RNF38: variants seen among roughly 807,000 people sequenced by gnomAD.
RNF38 encodes ring finger protein 38, also known as E3 ubiquitin-protein ligase RNF38.
RNF38 carries 15 observed loss-of-function variants against 67.2 expected under a neutral mutation model. The ratio of observed to expected loss-of-function variants is 0.22; its 90% confidence interval spans 0.15 to 0.34. The LOEUF (loss-of-function observed/expected upper bound fraction) is 0.34, where lower values mean the gene tolerates loss of function less well. RNF38 is among the 10% of genes least tolerant of loss of function. The pLI, the probability that RNF38 is intolerant of heterozygous loss-of-function variation, is 1.00. For missense variants in RNF38, 524 were observed against 639.9 expected (o/e 0.82, Z 1.95); for synonymous variants, 220 against 218.8 (o/e 1.01, Z -0.05).
chr9:36,366,352 C>G (rs1367036964), intron 4 of RNF38, among the ~76,000 whole-genome samples: 1 of 151,900 alleles, frequency 6.6e-6, no homozygotes, highest in Non-Finnish European at 1.5e-5. Context: ...ACTTTTTTCC[C>G]TTTCCTCTCA....
In RNF38 at chr9:36,373,929, G is replaced by A. The variant is rs138100901; in HGVS notation, c.356+2005C>T. On this transcript the variant is annotated intron_variant, in intron 3 of 11. Coordinates refer to ENST00000259605, the MANE Select transcript of RNF38 (RefSeq NM_022781.5). ...TGGTCTCGAACTCCTGATCTCAGGT[G>A]ATCCATCCACCTCGGCCTCCCAAAG... 3.1e-3 allele frequency among the ~76,000 whole-genome samples: 476 copies of A among 152,210 alleles called. 2 individuals are homozygous for A. Among genetic ancestry groups the A allele is most frequent in the Middle Eastern group, 0.01 (3 of 294 alleles).
In RNF38 at chr9:36,348,279, G is replaced by T. The variant is rs566930579; in HGVS notation, c.1263+2836C>A. Among the ~76,000 whole-genome samples the T allele has an allele frequency of 4.3e-4, 65 of 151,762 alleles. No homozygotes were observed. In the Middle Eastern group the frequency reaches 0.01, roughly 24 times the overall value. On this transcript the variant is annotated intron_variant, in intron 9 of 11. Coordinates refer to ENST00000259605, the MANE Select transcript of RNF38 (RefSeq NM_022781.5). Reference sequence around the variant, plus strand: ...CCCAACACTTGGACTAGCCTTGGATGGCAAAACCTTATCTCTGAAAGAAAA... The same window carrying T: ...CCCAACACTTGGACTAGCCTTGGATTGCAAAACCTTATCTCTGAAAGAAAA...
At chr9:36,476,732 T>A (rs1216656300) in intron 1 of RNF38, among the ~76,000 whole-genome samples, 2 of 151,906 alleles carry the variant, frequency 1.3e-5, no homozygotes, top group African/African-American at 2.4e-5. Flanking sequence ...TTCACCATGT[T>A]GGCCAGGCTG....
intron 2 of RNF38, among the ~76,000 whole-genome samples, chr9:36,380,832 G>T (rs999035426): frequency 1.3e-4 from 19 of 151,940 alleles, no homozygotes; most frequent in African/African-American, 4.6e-4. Flanking sequence ...TAAATGCAGG[G>T]GAAAAAAGGG....
chr9:36,388,412 G>A (rs1329639579), intron 2 of RNF38, among the ~76,000 whole-genome samples: 1 of 152,034 alleles, frequency 6.6e-6, no homozygotes, highest in African/African-American at 2.4e-5. Flanking sequence ...GCAAATATGA[G>A]AAGCAAAATG....
intron 1 of RNF38, among the ~76,000 whole-genome samples, chr9:36,429,888 A>G (rs576173512): frequency 9.2e-5 from 14 of 152,044 alleles, no homozygotes; most frequent in Non-Finnish European, 1.6e-4. Flanking sequence ...TTTATTGTTT[A>G]TTTTTCCTGA....
At chr9:36,476,390 G>A (rs1237691168) in intron 1 of RNF38, among the ~76,000 whole-genome samples, 1 of 151,798 alleles carries the variant, frequency 6.6e-6, no homozygotes, top group Middle Eastern at 3.2e-3. Flanking sequence ...AGGATTATAG[G>A]CATGAGCCAC....
At chr9:36,409,327 A>G (rs527742565) in intron 2 of RNF38, among the ~76,000 whole-genome samples, 119 of 149,986 alleles carry the variant, frequency 7.9e-4, no homozygotes, top group African/African-American at 2.7e-3. Flanking sequence ...AAGAAAGAAA[A>G]AGAAAGAAAG....
At chr9:36,377,884 TCTGA>T (rs1215784053) in intron 2 of RNF38, among the ~76,000 whole-genome samples, 4 of 152,330 alleles carry the variant, frequency 2.6e-5, no homozygotes, top group Non-Finnish European at 5.9e-5. Context: ...TTTCATTTTT[TCTGA>T]CTATTTCCCA....
chr9:36,393,477 T>TG (rs1554689571), intron 1 of RNF38, among the ~76,000 whole-genome samples: 1,929 of 87,630 alleles, frequency 0.022, 34 homozygotes, highest in African/African-American at 0.039. Flanking sequence ...CACACACACA[T>TG]TGTGTGTGTG....
chr9:36,378,479 C>T (rs1835947059), intron 2 of RNF38, among the ~76,000 whole-genome samples: 1 of 152,110 alleles, frequency 6.6e-6, no homozygotes, highest in Admixed American at 6.5e-5. Context: ...CCCAGCTTAA[C>T]ACTGACTTTT....
intron 10 of RNF38, among the ~76,000 whole-genome samples, chr9:36,343,359 A>G (rs537003373): frequency 2.6e-5 from 4 of 152,186 alleles, no homozygotes; most frequent in Non-Finnish European, 5.9e-5. Flanking sequence ...TTTTGAAGAT[A>G]ATTTATCTGG....
chr9:36,389,971 C>T (rs897947600), intron 2 of RNF38, among the ~76,000 whole-genome samples: 1 of 152,152 alleles, frequency 6.6e-6, no homozygotes, highest in East Asian at 1.9e-4. Context: ...CATTTACACA[C>T]CTTACTTTCG....
At chr9:36,406,903 T>C (rs1223685134) in intron 2 of RNF38, among the ~76,000 whole-genome samples, 2 of 152,192 alleles carry the variant, frequency 1.3e-5, no homozygotes. Flanking sequence ...GGCTCACGCC[T>C]GTAATCCCAG....
At chr9:36,444,628 C>T (rs1452362141) in intron 1 of RNF38, among the ~76,000 whole-genome samples, 2 of 152,074 alleles carry the variant, frequency 1.3e-5, no homozygotes, top group Non-Finnish European at 2.9e-5. Flanking sequence ...ACTGAAATCC[C>T]ATCTCTACCA....
intron 9 of RNF38, among the ~76,000 whole-genome samples, chr9:36,349,303 C>G (rs1217955433): frequency 6.6e-6 from 1 of 152,174 alleles, no homozygotes; most frequent in African/African-American, 2.4e-5. Flanking sequence ...TACTTACTGA[C>G]TTTTTGAAAA....
At chr9:36,444,019 G>A (rs893889629) in intron 1 of RNF38, among the ~76,000 whole-genome samples, 4 of 152,142 alleles carry the variant, frequency 2.6e-5, no homozygotes, top group South Asian at 4.1e-4. Flanking sequence ...AATGGACACC[G>A]AAGTGAAGCC....
chr9:36,416,197 A>AGGGGGGGGGG (rs1189939343), intron 2 of RNF38, among the ~76,000 whole-genome samples: 1 of 4,896 alleles, frequency 2.0e-4, no homozygotes, highest in African/African-American at 7.6e-4. Context: ...AGGGAGGGGG[A>AGGGGGGGGGG]GGGGGTGGGA....
chr9:36,355,943 T>G (rs148520784), intron 6 of RNF38, among the ~76,000 whole-genome samples: 1,671 of 152,228 alleles, frequency 0.011, 29 homozygotes, highest in African/African-American at 0.038. Flanking sequence ...GCCTCCTGGA[T>G]TCAAGCGATT....
Sources: gnomAD v4.1 joint callset for allele counts (sites outside exome capture counted in the v4.1 genomes callset) on GRCh38, gnomAD v4.1.1 for gene constraint, MANE v1.5 for transcripts, NCBI Gene and HGNC (gene_info 2026-07-23, HGNC 2026-07-21) for gene names.